The following TNS1 variants were observed in gnomAD, a reference collection of about 807,000 sequenced individuals.
TNS1 encodes the protein tensin-1.
In TNS1, 62 loss-of-function variants were observed where a neutral mutation model predicts 168.6. That is an observed-to-expected ratio of 0.37 (90% CI 0.30 to 0.45). The LOEUF (loss-of-function observed/expected upper bound fraction) is 0.45, where lower values mean the gene tolerates loss of function less well. Ranked by LOEUF, TNS1 falls within the 20% of genes least tolerant of loss-of-function variation. The probability of loss-of-function intolerance (pLI) is 1.00; values close to 1 mark genes in which losing one functional copy is unlikely to be tolerated. For missense variants in TNS1, 2,240 were observed against 2,339.4 expected (o/e 0.96, Z 0.88); for synonymous variants, 934 against 933.2 (o/e 1.00, Z -0.02).
Position 217,986,176 on chromosome 2 carries a change from G to C in TNS1, c.148+4766C>G, listed in dbSNP as rs115924871. ...ACCCAGGGTCTTCCCACCCTACCAG[G>C]CTACCTCTGGTGGCTCCAAGGAGGC... On this transcript the variant is annotated intron_variant, in intron 2 of 32. Coordinates refer to ENST00000682258, the MANE Select transcript of TNS1 (RefSeq NM_001387777.1). The surrounding 1 kb of genome is among the most constrained non-coding windows in gnomAD (Gnocchi z 4.7). Among the ~76,000 whole-genome samples the C allele has an allele frequency of 0.02, 3,086 of 152,258 alleles. 95 individuals carry two copies. Among genetic ancestry groups the C allele is most frequent in the African/African-American group, 0.069 (2,877 of 41,548 alleles).
chr2:217,959,190 C>T (rs1180552861), intron 3 of TNS1, among the ~76,000 whole-genome samples: 6 of 152,228 alleles, frequency 3.9e-5, no homozygotes, highest in African/African-American at 1.2e-4. Flanking sequence ...CCCCTCCTCC[C>T]CACCTTACTT....
intron 9 of TNS1, 59 bp from the exon 10 acceptor site, chr2:217,893,620 G>A: frequency 6.5e-7 from 1 of 1,543,644 alleles, no homozygotes; most frequent in South Asian, 1.2e-5. Context: ...AAACAAGCCA[G>A]CGGGAGCCAC....
In TNS1 at chr2:217,986,348, C is replaced by G. The variant is rs1958191985; in HGVS notation, c.148+4594G>C. On this transcript the variant is annotated intron_variant, in intron 2 of 32. Transcript: ENST00000682258. The surrounding 1 kb of genome is among the most constrained non-coding windows in gnomAD (Gnocchi z 4.7). ...GACGGATCGTCTTTCCAGGTGCATC[C>G]TGCCCTAAGGAAACTGCAGGTGACT... is the stretch of plus-strand genomic sequence containing the variant. Among the ~76,000 whole-genome samples, 1 of 152,258 alleles carries G rather than the reference C, an allele frequency of 6.6e-6. No homozygotes were observed. Among genetic ancestry groups the G allele is most frequent in the Non-Finnish European group, 1.5e-5 (1 of 68,044 alleles).
intron 18 of TNS1, among the ~76,000 whole-genome samples, chr2:217,868,345 G>A (rs1394309965): frequency 6.6e-6 from 1 of 152,242 alleles, no homozygotes; most frequent in Non-Finnish European, 1.5e-5. Context: ...CCCCTGAGCA[G>A]AGGAAGTGGG....
chr2:218,003,328 G>C (rs1035446000), upstream of TNS1, among the ~76,000 whole-genome samples: 1 of 152,090 alleles, frequency 6.6e-6, no homozygotes, highest in Non-Finnish European at 1.5e-5. Flanking sequence ...CAGCCTGGGG[G>C]CCTTCACTCC....
At chr2:218,026,178 A>G (rs1015661026) in intron 1 of TNS1, among the ~76,000 whole-genome samples, 1 of 152,220 alleles carries the variant, frequency 6.6e-6, no homozygotes, top group Non-Finnish European at 1.5e-5. Context: ...CTTTTAGGAC[A>G]GTGGAGGAAA....
chr2:217,822,592 A>G (rs1055143421), intron 22 of TNS1, among the ~76,000 whole-genome samples: 2 of 152,318 alleles, frequency 1.3e-5, no homozygotes, highest in South Asian at 4.1e-4. Context: ...TCAACATTCC[A>G]TCGCCCACCT....
intron 3 of TNS1, among the ~76,000 whole-genome samples, chr2:217,929,207 C>A (rs1956187143): frequency 6.6e-6 from 1 of 152,224 alleles, no homozygotes; most frequent in Non-Finnish European, 1.5e-5. Context: ...TGGGCCTACC[C>A]CAGGTGAAGG....
At chr2:217,933,653 C>T (rs897106535) in intron 3 of TNS1, among the ~76,000 whole-genome samples, 2 of 152,166 alleles carry the variant, frequency 1.3e-5, no homozygotes, top group Admixed American at 1.3e-4. Context: ...GCCCAGGGCC[C>T]CTGAAGCACA....
rs941704932 is a variant in TNS1 at position 217,836,073 on chromosome 2, C to T, written c.3146G>A (p.Cys1049Tyr). The T allele has an allele frequency of 1.1e-5, 17 of 1,613,946 alleles. No individual in the cohort carries two copies. Among genetic ancestry groups the T allele is most frequent in the Non-Finnish European group, 1.4e-5 (17 of 1,179,978 alleles). Residue 1049 changes from cysteine (C) to tyrosine (Y), a missense_variant, in exon 20 of 33, where the codon TGT (cysteine) becomes TAT (tyrosine). Cys to Tyr is a radical substitution (Grantham distance 194, BLOSUM62 -2). Transcript: ENST00000682258. Reference protein sequence around the residue: ...RSPGVRSPVQCVSPELALTIA... With the variant: ...RSPGVRSPVQYVSPELALTIA... ...GGTAAGAGCCAGCTCCGGGGAGACA[C>T]ACTGGACAGGGGAGCGAACCCCAGG...
chr2:217,879,461 G>T (rs1355734712), intron 18 of TNS1: 2 of 454,554 alleles, frequency 4.4e-6, no homozygotes, highest in East Asian at 1.4e-4. Context: ...GCAGCCTGGG[G>T]GGTCGGAGGG....
At position 217,880,431 on chromosome 2, in the gene TNS1, AC is replaced by A. The variant is rs1397386626; in HGVS notation, c.1429+466del. Among the ~76,000 whole-genome samples the A allele has an allele frequency of 6.6e-6, 1 of 152,100 alleles. No homozygotes were observed. Among genetic ancestry groups the A allele is most frequent in the Non-Finnish European group, 1.5e-5 (1 of 68,022 alleles). ...CTGTGCCTCTGTTCCTAGTACTCTG[AC>A]CCCAGAGAACTCAGGCAGCAAGCCT... On this transcript the variant is annotated intron_variant, in intron 18 of 32. Transcript: ENST00000682258. The surrounding 1 kb of genome is among the most constrained non-coding windows in gnomAD (Gnocchi z 4.2).
At chr2:218,030,217 A>G (rs541506564) in intron 1 of TNS1, among the ~76,000 whole-genome samples, 2 of 152,292 alleles carry the variant, frequency 1.3e-5, no homozygotes, top group Non-Finnish European at 2.9e-5. Flanking sequence ...GTCCACTTCT[A>G]TAACAGGTCC....
intron 21 of TNS1, among the ~76,000 whole-genome samples, chr2:217,831,942 A>AACACACACACACACACAC (rs66652637): frequency 7.5e-5 from 11 of 146,292 alleles, no homozygotes; most frequent in African/African-American, 2.8e-4. Flanking sequence ...ACCCTCACCC[A>AACACACACACACACACAC]ACACACACAC....
intron 16 of TNS1, 132 bp downstream of exon 16, chr2:217,884,903 T>C (rs2288165): frequency 0.12 from 137,905 of 1,167,278 alleles, 11,655 homozygotes; most frequent in African/African-American, 0.34. Flanking sequence ...AACTCTCTCC[T>C]ACCATCACCC....
intron 19 of TNS1, among the ~76,000 whole-genome samples, chr2:217,846,656 T>G (rs887121413): frequency 6.6e-6 from 1 of 152,220 alleles, no homozygotes; most frequent in Non-Finnish European, 1.5e-5. Context: ...CCTTGTGGAA[T>G]GGGCATAGGC....
chr2:217,805,454 T>TCACACACACCACCACACAC (rs1553528622), intron 32 of TNS1, among the ~76,000 whole-genome samples: 1 of 38,372 alleles, frequency 2.6e-5, no homozygotes, highest in Non-Finnish European at 4.9e-5. Flanking sequence ...ATACACACCA[T>TCACACACACCACCACACAC]CACACACACC....
chr2:217,845,349 T>C (rs1946496732), intron 19 of TNS1, among the ~76,000 whole-genome samples: 1 of 152,190 alleles, frequency 6.6e-6, no homozygotes, highest in South Asian at 2.1e-4. Flanking sequence ...AGTGCTGAAA[T>C]CTATCTTCCC....
In TNS1 at chr2:217,892,844, T is replaced by C. The variant is rs905671515; in HGVS notation, c.782+104A>G. ...TCCTCATCGCTTCTCATTCCCTCTG[T>C]GCGTATCCCCTCACTCCAGGGAGCA... On this transcript the variant is annotated intron_variant, in intron 11 of 32. Transcript: ENST00000682258. The C allele has an allele frequency of 4.5e-5, 59 of 1,311,426 alleles. No homozygotes were observed. In the African/African-American group the frequency reaches 8.6e-4, roughly 19 times the overall value. 81.2% of individuals were successfully genotyped at this position (1,311,426 alleles called of 1,614,324 possible).
Sources: gnomAD v4.1 joint callset for allele counts (sites outside exome capture counted in the v4.1 genomes callset) on GRCh38, gnomAD v4.1.1 for gene constraint, Gnocchi (gnomAD v3.1) non-coding constraint, MANE v1.5 for transcripts, NCBI Gene and HGNC (gene_info 2026-07-23, HGNC 2026-07-21) for gene names.